TRMT11: variants seen among roughly 807,000 people sequenced by gnomAD.
TRMT11 encodes tRNA methyltransferase 11, also known as tRNA (guanine(10)-N(2))-methyltransferase TRMT11.
TRMT11 carries 53 observed loss-of-function variants against 62.8 expected under a neutral mutation model. The observed-to-expected ratio is 0.84, with a 90% CI of 0.68 to 1.06. TRMT11 has a LOEUF of 1.06. Ranked by LOEUF, TRMT11 falls within the 50% of genes least tolerant of loss-of-function variation. TRMT11 has a pLI of 0.00. For synonymous variants in TRMT11, 188 were observed against 190.3 expected (o/e 0.99, Z 0.10); for missense variants, 556 against 553.4 (o/e 1.00, Z -0.05).
intron 21 of TRMT11, among the ~76,000 whole-genome samples, chr6:126,156,157 G>A (rs983663330): frequency 5.3e-5 from 8 of 152,254 alleles, no homozygotes; most frequent in African/African-American, 1.9e-4. Flanking sequence ...TTTGTAGGGT[G>A]TAGTTTCTGT....
At chr6:126,258,288 G>A in the TRMT11 span, 4 of 486,266 alleles carry the variant, frequency 8.2e-6, no homozygotes, top group East Asian at 5.4e-5. Context: ...AAGTAAACAC[G>A]TGGTCCTGAG....
At chr6:126,011,543 C>A in intron 9 of TRMT11, 126 bp downstream of exon 9, 1 of 717,346 alleles carries the variant, frequency 1.4e-6, no homozygotes, top group Non-Finnish European at 2.3e-6. Context: ...CATCTACCCC[C>A]AGCTTCTTCA....
intron 1 of TRMT11, among the ~76,000 whole-genome samples, chr6:126,191,312 TTG>T (rs1395894453): frequency 6.6e-6 from 1 of 152,072 alleles, no homozygotes; most frequent in Non-Finnish European, 1.5e-5. Context: ...TTTTTAGCTA[TTG>T]AATTGAGTTC....
intron 17 of TRMT11, among the ~76,000 whole-genome samples, chr6:126,078,906 C>T (rs764738181): frequency 3.3e-5 from 5 of 152,154 alleles, no homozygotes; most frequent in African/African-American, 4.8e-5. Flanking sequence ...GAATTTTCTG[C>T]GTGTTCTGCA....
intron 17 of TRMT11, among the ~76,000 whole-genome samples, chr6:126,076,845 CA>C (rs1777039111): frequency 6.6e-6 from 1 of 152,230 alleles, no homozygotes; most frequent in East Asian, 1.9e-4. Flanking sequence ...TTAATTTTGG[CA>C]GCTAATCATT....
At chr6:126,163,214 T>G (rs757142122) in intron 21 of TRMT11, among the ~76,000 whole-genome samples, 3 of 152,198 alleles carry the variant, frequency 2.0e-5, no homozygotes, top group Non-Finnish European at 2.9e-5. Flanking sequence ...ATAGCTCTTA[T>G]TATTTTGAGA....
chr6:126,183,748 C>T lies in TRMT11; in HGVS notation n.143+6413C>T, dbSNP rs569234937. On this transcript the variant is annotated intron_variant and non_coding_transcript_variant, in intron 1 of 3. Transcript: ENST00000444229. Reference sequence around the variant, plus strand: ...ATTATTTTCCTACTCTATCAGCTCACCGTTTTTAATAAGAATTATAGATTA... The same window carrying T: ...ATTATTTTCCTACTCTATCAGCTCATCGTTTTTAATAAGAATTATAGATTA... Among the ~76,000 whole-genome samples the T allele has an allele frequency of 2.6e-5, 4 of 151,358 alleles. No individual in the cohort carries two copies. In the South Asian group the frequency reaches 8.4e-4, roughly 32 times the overall value.
chr6:126,225,462 A>C, the TRMT11 span, among the ~76,000 whole-genome samples: 2 of 151,102 alleles, frequency 1.3e-5, no homozygotes, highest in Non-Finnish European at 2.9e-5. Flanking sequence ...TCCTCTGTTC[A>C]TTCTCAATGC....
At chr6:126,144,897 C>T (rs976950330) in intron 21 of TRMT11, among the ~76,000 whole-genome samples, 7 of 152,142 alleles carry the variant, frequency 4.6e-5, no homozygotes, top group African/African-American at 4.8e-5. Context: ...TTTTTCTATA[C>T]AATTAAGTTC....
chr6:126,001,253 ATCAGGTATTAT>A (rs1266704203), intron 7 of TRMT11, among the ~76,000 whole-genome samples: 1 of 152,102 alleles, frequency 6.6e-6, no homozygotes, highest in Admixed American at 6.5e-5. Context: ...CCTGGCTAGG[ATCAGGTATTAT>A]ATTTTGTTGT....
chr6:126,093,333 G>A (rs559961525), intron 17 of TRMT11, among the ~76,000 whole-genome samples: 190 of 151,668 alleles, frequency 1.3e-3, no homozygotes, highest in African/African-American at 4.1e-3. Flanking sequence ...TCTTCCTGTG[G>A]CACTACAAGA....
chr6:126,187,930 G>T (rs1039758654), intron 1 of TRMT11, among the ~76,000 whole-genome samples: 2 of 134,946 alleles, frequency 1.5e-5, no homozygotes, highest in Non-Finnish European at 3.0e-5. Context: ...TTTGGAAAAG[G>T]TGACCCTTAG....
chr6:126,253,825 A>C, the TRMT11 span, among the ~76,000 whole-genome samples: 1 of 152,212 alleles, frequency 6.6e-6, no homozygotes, highest in Non-Finnish European at 1.5e-5. Context: ...AAAACCCTTG[A>C]GTCTCCACTT....
chr6:126,111,785 G>A (rs1777535137), intron 17 of TRMT11, among the ~76,000 whole-genome samples: 1 of 152,098 alleles, frequency 6.6e-6, no homozygotes. Flanking sequence ...AGAGACCTAA[G>A]TTCAGATGCC....
At chr6:126,032,677 G>C (rs1267833609) in intron 12 of TRMT11, among the ~76,000 whole-genome samples, 1 of 152,104 alleles carries the variant, frequency 6.6e-6, no homozygotes, top group Non-Finnish European at 1.5e-5. Flanking sequence ...TTTAATCACA[G>C]TTTGTAAGTA....
At chr6:126,199,396 A>G (rs1778709797) in intron 2 of TRMT11, among the ~76,000 whole-genome samples, 2 of 152,090 alleles carry the variant, frequency 1.3e-5, no homozygotes, top group Admixed American at 6.5e-5. Context: ...ATCTCTTTGA[A>G]TCTCCCAAAA....
intron 16 of TRMT11, among the ~76,000 whole-genome samples, chr6:126,051,825 A>G (rs1310718860): frequency 1.3e-5 from 2 of 152,198 alleles, no homozygotes; most frequent in African/African-American, 4.8e-5. Flanking sequence ...GAAGAACTGC[A>G]TAGCAGGCTT....
chr6:126,114,906 C>A (rs1484251041), intron 19 of TRMT11, among the ~76,000 whole-genome samples: 8 of 152,028 alleles, frequency 5.3e-5, no homozygotes, highest in Non-Finnish European at 1.0e-4. Flanking sequence ...ATTTACAGAG[C>A]TGTAAGAGAG....
At chr6:125,988,087 A>G (rs1789967143) in intron 1 of TRMT11, among the ~76,000 whole-genome samples, 1 of 152,248 alleles carries the variant, frequency 6.6e-6, no homozygotes, top group South Asian at 2.1e-4. Flanking sequence ...GGCAAGTGCC[A>G]GAAGGATGTG....
Sources: allele counts gnomAD v4.1 joint callset (sites outside exome capture counted in the v4.1 genomes callset), GRCh38; gene constraint gnomAD v4.1.1; transcripts MANE v1.5; gene names NCBI Gene and HGNC (gene_info 2026-07-23, HGNC 2026-07-21).